Variants in MITF observed in about 807,000 individuals in gnomAD.
The protein encoded by MITF is microphthalmia-associated transcription factor.
In MITF, 17 loss-of-function variants were observed where a neutral mutation model predicts 60.5. The ratio of observed to expected loss-of-function variants is 0.28; its 90% CI spans 0.19 to 0.42. MITF has a LOEUF of 0.42. Ranked by LOEUF, MITF falls within the 10% of genes least tolerant of loss-of-function variation. The pLI is 1.00. For synonymous variants in MITF, 260 were observed against 248.5 expected (o/e 1.05, Z -0.43); for missense variants, 622 against 683.5 (o/e 0.91, Z 1.00).
intron 1 of MITF, among the ~76,000 whole-genome samples, chr3:69,809,406 T>G (rs930805925): frequency 1.8e-4 from 27 of 152,178 alleles, no homozygotes; most frequent in African/African-American, 5.5e-4. Context: ...AATAATCTTC[T>G]AAATAATACC....
Position 69,966,628 on chromosome 3 carries a change from A to G in MITF, c.*1380A>G, listed in dbSNP as rs560413518. On this transcript the variant is annotated 3_prime_UTR_variant, in exon 10 of 10. Coordinates refer to ENST00000352241, the MANE Select transcript of MITF (RefSeq NM_001354604.2). ...ACTGTTACTTGATAACAATGTTTTAACAAGAAGCAATGTTATAAAGTTAGT... is the reference window on the plus strand; with the variant it reads ...ACTGTTACTTGATAACAATGTTTTAGCAAGAAGCAATGTTATAAAGTTAGT... The G allele has an allele frequency of 1.6e-4, 38 of 233,042 alleles. No individual in the cohort carries two copies. Among genetic ancestry groups the G allele is most frequent in the Admixed American group, 2.8e-4 (5 of 17,774 alleles). The allele number at this position is 233,042 out of a possible 1,614,324, so 14.4% of individuals were successfully genotyped here.
At position 69,939,089 on chromosome 3, in the gene MITF, T is replaced by C. The variant is rs1576007776; in HGVS notation, c.583-9T>C. The C allele has an allele frequency of 2.5e-6, 4 of 1,613,850 alleles. No individual in the cohort carries two copies. The highest frequency in any genetic ancestry group is 3.4e-6 in the Non-Finnish European group (4 of 1,179,904). On this transcript the variant is annotated splice_polypyrimidine_tract_variant and intron_variant, in intron 3 of 9. Coordinates refer to ENST00000352241, the MANE Select transcript of MITF (RefSeq NM_001354604.2). ...AAGTTATAGACTGTTTTTGCTTGTGTTTTTGCAGGGATTTTATAAGTTTGA... is the reference window on the plus strand; with the variant it reads ...AAGTTATAGACTGTTTTTGCTTGTGCTTTTGCAGGGATTTTATAAGTTTGA...
chr3:69,838,459 AC>A (rs776625777), intron 1 of MITF: 9 of 152,642 alleles, frequency 5.9e-5, no homozygotes, highest in Non-Finnish European at 1.0e-4. Context: ...TTACTCATCC[AC>A]TGTACATTTG....
chr3:69,863,490 G>A (rs572216695), intron 1 of MITF, among the ~76,000 whole-genome samples: 1 of 152,174 alleles, frequency 6.6e-6, no homozygotes. Context: ...GGCTGAACCT[G>A]CCAGGGGAAT....
In MITF at chr3:69,966,518, G is replaced by T. The variant is rs137975240; in HGVS notation, c.*1270G>T. The T allele has an allele frequency of 4.3e-6, 1 of 232,652 alleles. No individual in the cohort carries two copies. Among genetic ancestry groups the T allele is most frequent in the Non-Finnish European group, 8.5e-6 (1 of 117,570 alleles). 14.4% of individuals were successfully genotyped at this position (232,652 alleles called of 1,614,324 possible). A position where few individuals can be genotyped will look rare whatever the true frequency, so the allele number is the denominator to read the frequency against. On this transcript the variant is annotated 3_prime_UTR_variant, in exon 10 of 10. Transcript: ENST00000352241. ...AGATTGATAACCATAGCATTAATACGCCCATTATGGTCATTTAAATTGGGG... is the reference window on the plus strand; with the variant it reads ...AGATTGATAACCATAGCATTAATACTCCCATTATGGTCATTTAAATTGGGG...
At chr3:69,822,412 T>A (rs2063290012) in intron 1 of MITF, among the ~76,000 whole-genome samples, 1 of 152,204 alleles carries the variant, frequency 6.6e-6, no homozygotes, top group Non-Finnish European at 1.5e-5. Context: ...TTTCTTGGAT[T>A]TTGTTAATTC....
intron 1 of MITF, chr3:69,758,621 G>T (rs1470181886): frequency 5.1e-6 from 1 of 194,306 alleles, no homozygotes; most frequent in African/African-American, 2.3e-5. Context: ...TTTATTATTG[G>T]TTAGTTCCCA....
chr3:69,941,830 G>C (rs1183917593), intron 5 of MITF, among the ~76,000 whole-genome samples: 3 of 152,094 alleles, frequency 2.0e-5, no homozygotes, highest in African/African-American at 7.2e-5. Context: ...TATGTTACTT[G>C]TTTTTCTCTG....
At position 69,837,442 on chromosome 3, in the gene MITF, C is replaced by G. The variant is rs114884877; in HGVS notation, c.105-41692C>G. ...GCCCACAGAGTACTGAGCCTGTACT[C>G]TCAAGAGGCACTCAATATATGACCG... On this transcript the variant is annotated intron_variant, in intron 1 of 9. Coordinates refer to ENST00000352241, the MANE Select transcript of MITF (RefSeq NM_001354604.2). 6.0e-3 allele frequency among the ~76,000 whole-genome samples: 910 copies of G among 152,278 alleles called. 8 individuals carry two copies. The highest frequency in any genetic ancestry group is 0.021 in the African/African-American group (855 of 41,550).
chr3:69,868,546 C>A (rs2107235639), intron 1 of MITF, among the ~76,000 whole-genome samples: 1 of 152,204 alleles, frequency 6.6e-6, no homozygotes, highest in East Asian at 1.9e-4. Flanking sequence ...GTGTTTGGTC[C>A]TGATGCCACG....
intron 1 of MITF, among the ~76,000 whole-genome samples, chr3:69,740,037 C>T (rs1575649800): frequency 6.6e-6 from 1 of 152,074 alleles, no homozygotes; most frequent in African/African-American, 2.4e-5. Context: ...AGGAGGAGCG[C>T]CGGGCCGGGA....
intron 2 of MITF, among the ~76,000 whole-genome samples, chr3:69,884,956 A>T (rs1187452598): frequency 2.0e-5 from 3 of 152,168 alleles, no homozygotes; most frequent in Non-Finnish European, 4.4e-5. Flanking sequence ...GAAACATTGG[A>T]ACTTCAGCTC....
At chr3:69,902,924 A>G (rs2065024446) in intron 2 of MITF, among the ~76,000 whole-genome samples, 2 of 151,846 alleles carry the variant, frequency 1.3e-5, no homozygotes, top group Admixed American at 1.3e-4. Context: ...ACTTTGTATT[A>G]TTTTTGTTTT....
At chr3:69,899,397 A>G (rs988812333) in intron 2 of MITF, among the ~76,000 whole-genome samples, 27 of 152,214 alleles carry the variant, frequency 1.8e-4, no homozygotes, top group African/African-American at 6.5e-4. Context: ...CTAAAGGATT[A>G]TTGTCTTTAT....
rs1185202849 is a variant in MITF, at chr3:69,739,481, C to T, written c.-117C>T. 3.4e-6 allele frequency: 3 copies of T among 885,752 alleles called. No individual in the cohort carries two copies. Among genetic ancestry groups the T allele is most frequent in the Non-Finnish European group, 5.2e-6 (3 of 578,880 alleles). 54.9% of individuals were successfully genotyped at this position (885,752 alleles called of 1,614,324 possible). ...GGGCGGCCGCGAGCCGGCGAGCGGG[C>T]AGAGCTCGGCACTGCGCCGGGGCGC... On this transcript the variant is annotated 5_prime_UTR_variant, in exon 1 of 10. Coordinates refer to ENST00000352241, the MANE Select transcript of MITF (RefSeq NM_001354604.2).
Position 69,861,046 on chromosome 3 carries a change from C to T in MITF, c.105-18088C>T, listed in dbSNP as rs527665548. 2.0e-4 allele frequency among the ~76,000 whole-genome samples: 31 copies of T among 152,244 alleles called. 1 individual carries two copies. Among genetic ancestry groups the T allele is most frequent in the African/African-American group, 7.2e-4 (30 of 41,542 alleles). ...TGCTGTGATGGTTTCAAATTAGAGC[C>T]GCTGGACCAGTTCCTTGCAAATTTG... On this transcript the variant is annotated intron_variant, in intron 1 of 9. Transcript: ENST00000352241.
At chr3:69,836,958 G>T (rs753504890) in intron 1 of MITF, among the ~76,000 whole-genome samples, 1 of 152,166 alleles carries the variant, frequency 6.6e-6, no homozygotes, top group Non-Finnish European at 1.5e-5. Flanking sequence ...AAATATTGAT[G>T]TTGCCCTCAC....
intron 2 of MITF, among the ~76,000 whole-genome samples, chr3:69,895,745 T>C (rs2064859247): frequency 6.6e-6 from 1 of 151,916 alleles, no homozygotes; most frequent in African/African-American, 2.4e-5. Flanking sequence ...TTTGCTCACT[T>C]TCCTTCAGTT....
In MITF at chr3:69,967,387, C is replaced by T. The variant is rs2066715344; in HGVS notation, c.*2139C>T. The T allele has an allele frequency of 4.3e-6, 1 of 232,880 alleles. No individual in the cohort carries two copies. The highest frequency in any genetic ancestry group is 8.5e-6 in the Non-Finnish European group (1 of 117,696). The allele number at this position is 232,880 out of a possible 1,614,324, so 14.4% of individuals were successfully genotyped here. A position where few individuals can be genotyped will look rare whatever the true frequency, so the allele number is the denominator to read the frequency against. On this transcript the variant is annotated 3_prime_UTR_variant, in exon 10 of 10. Transcript: ENST00000352241. ...CAATCATAGCATTGTCTATTTTTCT[C>T]TTCATATTTATATGGGGGGGAGGGC...
Sources: gnomAD v4.1 joint callset for allele counts (sites outside exome capture counted in the v4.1 genomes callset) on GRCh38, gnomAD v4.1.1 for gene constraint, MANE v1.5 for transcripts, NCBI Gene and HGNC (gene_info 2026-07-23, HGNC 2026-07-21) for gene names.